The following PALD1 variants were observed in gnomAD, a reference collection of about 807,000 sequenced individuals.
The protein encoded by PALD1 is phosphatase domain containing paladin 1, also known as paladin.
In PALD1, 57 loss-of-function variants were observed where a neutral mutation model predicts 96.0. The ratio of observed to expected loss-of-function variants is 0.59; its 90% CI spans 0.48 to 0.74. The LOEUF is 0.74. Among genes scored for constraint, PALD1 ranks in the 30% least tolerant of loss-of-function variants. The pLI, the probability that PALD1 is intolerant of heterozygous loss-of-function variation, is 0.00. For synonymous variants in PALD1, 464 were observed against 473.6 expected (o/e 0.98, Z 0.26); for missense variants, 1,063 against 1,143.7 (o/e 0.93, Z 1.02).
chr10:70,508,507 A>G (rs4747043), intron 1 of PALD1, among the ~76,000 whole-genome samples: 135,181 of 152,090 alleles, frequency 0.89, 60,576 homozygotes, highest in East Asian at 1. Context: ...TGCTTAAGGT[A>G]GAATCTGCCT....
intron 11 of PALD1, 132 bp from the exon 12 acceptor site, chr10:70,538,148 C>G (rs1364352564): frequency 3.0e-6 from 3 of 988,908 alleles, no homozygotes; most frequent in Non-Finnish European, 3.0e-6. Flanking sequence ...GGTCTTCTCT[C>G]AGCCACTCCC....
the PALD1 span, among the ~76,000 whole-genome samples, chr10:70,472,877 C>A: frequency 2.0e-5 from 3 of 152,200 alleles, no homozygotes; most frequent in African/African-American, 7.2e-5. Context: ...AACCACAACT[C>A]CTATTATGAA....
rs552934745 is a variant in PALD1, at chr10:70,498,006, C to G, written c.-30+18947C>G. Among the ~76,000 whole-genome samples the G allele has an allele frequency of 8.5e-5, 13 of 152,178 alleles. No homozygotes were observed. The South Asian group carries it at 1.9e-3, about 22-fold the overall frequency. On this transcript the variant is annotated intron_variant, in intron 1 of 19. Coordinates refer to ENST00000263563, the MANE Select transcript of PALD1 (RefSeq NM_014431.3). ...ATTAAGAGCATCCATATTGTGCACC[C>G]ATCACCACCATCCAGCCCCAGAACT...
intron 1 of PALD1, among the ~76,000 whole-genome samples, chr10:70,518,462 G>A (rs1432703418): frequency 6.6e-6 from 1 of 152,192 alleles, no homozygotes; most frequent in African/African-American, 2.4e-5. Flanking sequence ...CGCCAGCAGT[G>A]TATGTGAGTT....
intron 1 of PALD1, among the ~76,000 whole-genome samples, chr10:70,494,946 G>C (rs767967722): frequency 6.6e-6 from 1 of 152,234 alleles, no homozygotes; most frequent in Non-Finnish European, 1.5e-5. Flanking sequence ...AGGTAATTTG[G>C]CAGTATCTCG....
At chr10:70,553,578 G>A (rs564387198) in intron 18 of PALD1, among the ~76,000 whole-genome samples, 15 of 152,310 alleles carry the variant, frequency 9.8e-5, no homozygotes, top group East Asian at 7.7e-4. Context: ...TACGACCACC[G>A]TCCTCACTTT....
At chr10:70,471,855 TG>T in the PALD1 span, among the ~76,000 whole-genome samples, 6 of 152,170 alleles carry the variant, frequency 3.9e-5, no homozygotes, top group Admixed American at 3.9e-4. Flanking sequence ...CAGAGAGTGG[TG>T]GTCTGGCTGG....
rs1314598476 is a variant in PALD1 at position 70,540,312 on chromosome 10, T to C, written c.1908+550T>C. 6.6e-6 allele frequency among the ~76,000 whole-genome samples: 1 copy of C among 151,510 alleles called. No individual in the cohort carries two copies. Among genetic ancestry groups the C allele is most frequent in the Non-Finnish European group, 1.5e-5 (1 of 67,824 alleles). On this transcript the variant is annotated intron_variant, in intron 15 of 19. Coordinates refer to ENST00000263563, the MANE Select transcript of PALD1 (RefSeq NM_014431.3). This position sits in a 1 kb window ranked among gnomAD's most constrained non-coding sequence, Gnocchi z 4.2. ...GTGTGTGTGTGTGCATGTCTTTTTA[T>C]GGAGTTTGTGATGTCTCCCTTGTCT...
At chr10:70,464,865 A>G in the PALD1 span, among the ~76,000 whole-genome samples, 5 of 151,598 alleles carry the variant, frequency 3.3e-5, no homozygotes, top group African/African-American at 1.2e-4. Context: ...TGGCCTCAGG[A>G]GATCCACCCA....
At chr10:70,482,005 C>T (rs1446764401) in intron 1 of PALD1, among the ~76,000 whole-genome samples, 1 of 152,210 alleles carries the variant, frequency 6.6e-6, no homozygotes, top group Admixed American at 6.5e-5. Context: ...AAGCATGTGG[C>T]CCAGTGCATG....
Position 70,566,695 on chromosome 10 carries a change from T to C in PALD1, c.2533T>C (p.Cys845Arg). The C allele has an allele frequency of 6.2e-7, 1 of 1,606,416 alleles. No homozygotes were observed. The stretch of plus-strand genomic sequence containing the variant: ...GCGCTACCGGTGGCAGGAGCAGAGC[T>C]GCAGCCTCGAGCCCTCTGCCCCCGA... ...RLRYRWQEQS[C>R]SLEPSAPEDL... The change falls in exon 20 of 20, where the codon TGC becomes CGC. Residue 845 changes from cysteine to arginine, a missense_variant. Coordinates refer to ENST00000263563, the MANE Select transcript of PALD1 (RefSeq NM_014431.3).
the PALD1 span, among the ~76,000 whole-genome samples, chr10:70,458,607 G>C: frequency 1.3e-5 from 2 of 152,316 alleles, no homozygotes; most frequent in South Asian, 4.1e-4. Context: ...TCGCCGCCAA[G>C]GGGGACCCGC....
chr10:70,490,053 G>A (rs1008235187), intron 1 of PALD1, among the ~76,000 whole-genome samples: 5 of 152,114 alleles, frequency 3.3e-5, no homozygotes, highest in Non-Finnish European at 7.3e-5. Flanking sequence ...TTCCCGAGTA[G>A]CTGGGATCAC....
intron 5 of PALD1, among the ~76,000 whole-genome samples, chr10:70,532,077 GC>G (rs1847005142): frequency 6.6e-6 from 1 of 152,108 alleles, no homozygotes; most frequent in Non-Finnish European, 1.5e-5. Flanking sequence ...CGCTTTGAGA[GC>G]CACGAGCCTC....
intron 1 of PALD1, among the ~76,000 whole-genome samples, chr10:70,488,101 G>A (rs1054932819): frequency 6.7e-6 from 1 of 148,792 alleles, no homozygotes; most frequent in East Asian, 2.0e-4. Flanking sequence ...TGTGGGATAT[G>A]TTAAAAATAG....
intron 18 of PALD1, among the ~76,000 whole-genome samples, chr10:70,556,992 A>C (rs536402117): frequency 2.0e-5 from 3 of 152,318 alleles, no homozygotes; most frequent in Non-Finnish European, 4.4e-5. Flanking sequence ...GATGGAGGGA[A>C]GGTTGAGTAA....
At chr10:70,491,431 A>G (rs7914528) in intron 1 of PALD1, among the ~76,000 whole-genome samples, 14,909 of 146,466 alleles carry the variant, frequency 0.1, 925 homozygotes, top group South Asian at 0.18. Context: ...TTTTTTTCCT[A>G]TTTGAATCAC....
chr10:70,507,211 G>A (rs1157580858), intron 1 of PALD1, among the ~76,000 whole-genome samples: 3 of 151,026 alleles, frequency 2.0e-5, no homozygotes, highest in Non-Finnish European at 4.4e-5. Flanking sequence ...AGACCAGCCT[G>A]GCCAACATGG....
intron 18 of PALD1, among the ~76,000 whole-genome samples, chr10:70,561,548 G>A (rs1035195100): frequency 7.2e-5 from 11 of 152,102 alleles, no homozygotes; most frequent in African/African-American, 2.7e-4. Flanking sequence ...AATCTTTGTT[G>A]TTGTTGTTCA....
Sources: gnomAD v4.1 joint callset for allele counts (sites outside exome capture counted in the v4.1 genomes callset) on GRCh38, gnomAD v4.1.1 for gene constraint, Gnocchi (gnomAD v3.1) non-coding constraint, MANE v1.5 for transcripts, NCBI Gene and HGNC (gene_info 2026-07-23, HGNC 2026-07-21) for gene names.